The following SNAP91 variants were observed in gnomAD, a reference collection of about 807,000 sequenced individuals.
The protein encoded by SNAP91 is synaptosome associated protein 91.
SNAP91 carries 27 observed loss-of-function variants against 100.3 expected under a neutral mutation model. The observed-to-expected ratio is 0.27, with a 90% CI of 0.20 to 0.37. SNAP91 has a LOEUF of 0.37. Among genes scored for constraint, SNAP91 ranks in the 10% least tolerant of loss-of-function variants. The probability of loss-of-function intolerance (pLI) is 1.00; values close to 1 mark genes in which losing one functional copy is unlikely to be tolerated. For missense variants in SNAP91, 986 were observed against 1,123.7 expected, an observed-to-expected ratio of 0.88 and a Z score of 1.75; for synonymous variants, 404 against 398.6, an observed-to-expected ratio of 1.01 and a Z score of -0.16.
Position 83,560,092 on chromosome 6 carries a change from G to C in SNAP91, c.2631+12C>G, listed in dbSNP as rs1784823936. 2 of 1,606,942 alleles carry C rather than the reference G, an allele frequency of 1.2e-6. No homozygotes were observed. Among genetic ancestry groups the C allele is most frequent in the Non-Finnish European group, 1.7e-6 (2 of 1,173,674 alleles). ...TTAATGTCACTGATTTGTGGACATT[G>C]AAGAAACTGACCTGCGTGCCAGGTA... On this transcript the variant is annotated intron_variant, in intron 28 of 29. Coordinates refer to ENST00000369694, the MANE Select transcript of SNAP91 (RefSeq NM_001242792.2).
At chr6:83,657,271 A>G (rs531883357) in intron 6 of SNAP91, among the ~76,000 whole-genome samples, 1 of 152,306 alleles carries the variant, frequency 6.6e-6, no homozygotes, top group East Asian at 1.9e-4. Context: ...GAAGAACAGC[A>G]TGGGGAATAC....
intron 14 of SNAP91, among the ~76,000 whole-genome samples, chr6:83,603,297 G>A (rs2095398299): frequency 6.6e-6 from 1 of 152,002 alleles, no homozygotes; most frequent in Non-Finnish European, 1.5e-5. Context: ...CCAAATTTTG[G>A]CCCATTAGCT....
At chr6:83,563,604 C>T (rs1204829764) in intron 26 of SNAP91, among the ~76,000 whole-genome samples, 1 of 152,142 alleles carries the variant, frequency 6.6e-6, no homozygotes. Context: ...ATACAGAAAT[C>T]CCTAAAGAAT....
intron 2 of SNAP91, among the ~76,000 whole-genome samples, chr6:83,691,748 T>C (rs947623567): frequency 6.6e-6 from 1 of 152,194 alleles, no homozygotes; most frequent in Non-Finnish European, 1.5e-5. Flanking sequence ...ACAACCACCA[T>C]TATTTTCTTA....
intron 2 of SNAP91, among the ~76,000 whole-genome samples, chr6:83,682,191 T>TC (rs1228461139): frequency 1.5e-5 from 2 of 130,202 alleles, no homozygotes; most frequent in Non-Finnish European, 3.4e-5. Flanking sequence ...TTTTTTTTTT[T>TC]CCTTGAGACA....
At chr6:83,679,035 G>C in intron 2 of SNAP91, 1 of 309,372 alleles carries the variant, frequency 3.2e-6, no homozygotes, top group Admixed American at 5.2e-5. Flanking sequence ...TATTTGAAAA[G>C]AAAACCACCA....
intron 8 of SNAP91, among the ~76,000 whole-genome samples, chr6:83,635,039 G>C (rs962357780): frequency 6.6e-6 from 1 of 152,124 alleles, no homozygotes; most frequent in Middle Eastern, 3.2e-3. Flanking sequence ...GATTTATTGA[G>C]ATTTGCTTTA....
chr6:83,554,914 G>A (rs1231997472), intron 29 of SNAP91, among the ~76,000 whole-genome samples: 4 of 152,182 alleles, frequency 2.6e-5, no homozygotes, highest in Admixed American at 1.3e-4. Flanking sequence ...CTCTGTCTTT[G>A]TCTGTCTCTG....
intron 7 of SNAP91, among the ~76,000 whole-genome samples, chr6:83,649,215 AT>A (rs2098090144): frequency 6.6e-6 from 1 of 152,200 alleles, no homozygotes; most frequent in Non-Finnish European, 1.5e-5. Flanking sequence ...GCTTAGCTGG[AT>A]GATTCTGGCT....
At chr6:83,650,892 T>C (rs930159407) in intron 7 of SNAP91, among the ~76,000 whole-genome samples, 1 of 152,206 alleles carries the variant, frequency 6.6e-6, no homozygotes, top group African/African-American at 2.4e-5. Context: ...GTGGGCCTGA[T>C]GGTTTTTGTT....
intron 16 of SNAP91, among the ~76,000 whole-genome samples, chr6:83,595,452 T>G (rs945499288): frequency 3.3e-5 from 5 of 152,204 alleles, no homozygotes; most frequent in Non-Finnish European, 5.9e-5. Flanking sequence ...GGCTGATGTG[T>G]ACAGATGCTT....
intron 7 of SNAP91, among the ~76,000 whole-genome samples, chr6:83,648,418 T>C (rs1190284842): frequency 6.6e-6 from 1 of 152,098 alleles, no homozygotes; most frequent in Non-Finnish European, 1.5e-5. Flanking sequence ...TGAACATTCA[T>C]GTGCTAGTCC....
chr6:83,664,808 T>G (rs571091311), intron 3 of SNAP91, among the ~76,000 whole-genome samples: 2 of 152,240 alleles, frequency 1.3e-5, no homozygotes, highest in African/African-American at 4.8e-5. Context: ...CAAAGAGCAT[T>G]GAATGCTACA....
chr6:83,596,333 A>G (rs2094466250), intron 16 of SNAP91, among the ~76,000 whole-genome samples: 1 of 152,214 alleles, frequency 6.6e-6, no homozygotes, highest in South Asian at 2.1e-4. Context: ...CATGTTAAAG[A>G]TACTATACTT....
chr6:83,566,872 CTTCT>C (rs1291992977), intron 26 of SNAP91, among the ~76,000 whole-genome samples: 4 of 152,168 alleles, frequency 2.6e-5, no homozygotes, highest in Admixed American at 6.5e-5. Context: ...TTTTGTTGTA[CTTCT>C]TTATCAGCCA....
intron 11 of SNAP91, among the ~76,000 whole-genome samples, chr6:83,611,630 T>A (rs1286430560): frequency 3.3e-5 from 5 of 151,834 alleles, no homozygotes; most frequent in Admixed American, 1.3e-4. Context: ...TAGAATTTTG[T>A]ACAATATTAT....
At position 83,610,691 on chromosome 6, in the gene SNAP91, TA is replaced by T. The variant is rs754162887; in HGVS notation, c.885-15del. 406 of 380,088 alleles carry T rather than the reference TA, an allele frequency of 1.1e-3. 3 individuals carry two copies. The highest frequency in any genetic ancestry group is 3.2e-3 in the East Asian group (71 of 22,312). The allele number at this position is 380,088 out of a possible 1,614,324, so 23.5% of individuals were successfully genotyped here. On this transcript the variant is annotated splice_polypyrimidine_tract_variant and intron_variant, in intron 11 of 29. Coordinates refer to ENST00000369694, the MANE Select transcript of SNAP91 (RefSeq NM_001242792.2). ...GGAGCACCAGATCTAAAAGGCAACA[TA>T]AAAAAAAATTAAAACTGAATATATA...
intron 14 of SNAP91, among the ~76,000 whole-genome samples, chr6:83,603,876 C>A (rs1014857175): frequency 3.9e-5 from 6 of 152,106 alleles, no homozygotes; most frequent in African/African-American, 1.4e-4. Context: ...ATGTTTCAAT[C>A]ATCAATAGTT....
At chr6:83,613,957 A>T (rs548716554) in intron 11 of SNAP91, among the ~76,000 whole-genome samples, 2 of 152,332 alleles carry the variant, frequency 1.3e-5, no homozygotes, top group East Asian at 1.9e-4. Flanking sequence ...AATGACCCAT[A>T]TAAGTAATCT....
Sources: allele counts gnomAD v4.1 joint callset (sites outside exome capture counted in the v4.1 genomes callset), GRCh38; gene constraint gnomAD v4.1.1; transcripts MANE v1.5; gene names NCBI Gene and HGNC (gene_info 2026-07-23, HGNC 2026-07-21).